The following PHIP variants were observed in gnomAD, a reference collection of about 807,000 sequenced individuals.
The protein encoded by PHIP is PHIP subunit of CUL4-Ring ligase complex.
A neutral mutation model predicts 236.8 loss-of-function variants in PHIP; 54 were observed. That is an observed-to-expected ratio of 0.23 (90% CI 0.18 to 0.29). PHIP has a LOEUF of 0.29. Ranked by LOEUF, PHIP falls within the 10% of genes least tolerant of loss-of-function variation. The pLI is 1.00. For missense variants in PHIP, 1,370 were observed against 2,190.8 expected, an observed-to-expected ratio of 0.63 and a Z score of 7.48; for synonymous variants, 756 against 718.9, an observed-to-expected ratio of 1.05 and a Z score of -0.83.
At chr6:78,998,474 G>A in intron 17 of PHIP, 83 bp from the exon 18 acceptor site, 1 of 1,021,052 alleles carries the variant, frequency 9.8e-7, no homozygotes. Flanking sequence ...TATGAGTTCA[G>A]AATTAAACAT....
At chr6:79,067,366 G>C (rs1332142532) in intron 4 of PHIP, among the ~76,000 whole-genome samples, 1 of 152,128 alleles carries the variant, frequency 6.6e-6, no homozygotes, top group Non-Finnish European at 1.5e-5. Flanking sequence ...CAGTTGAGTT[G>C]CTTGCTATGG....
intron 33 of PHIP, 127 bp downstream of exon 33, chr6:78,955,481 GTTTTT>G: frequency 2.2e-6 from 1 of 453,592 alleles, no homozygotes; most frequent in Non-Finnish European, 3.9e-6. Context: ...ACTGCCAGTT[GTTTTT>G]TTTTTTTAAA....
chr6:78,944,519 T>C (rs1773696226), intron 39 of PHIP, among the ~76,000 whole-genome samples: 1 of 151,530 alleles, frequency 6.6e-6, no homozygotes, highest in South Asian at 2.1e-4. Flanking sequence ...GAGGAGAGAA[T>C]AGATTTAAGA....
At chr6:79,054,862 T>C (rs1191932670) in intron 6 of PHIP, among the ~76,000 whole-genome samples, 2 of 151,996 alleles carry the variant, frequency 1.3e-5, no homozygotes, top group African/African-American at 4.8e-5. Flanking sequence ...TGCATCTAGC[T>C]TTAAGTGACT....
chr6:79,059,838 C>T (rs977672305), intron 6 of PHIP, among the ~76,000 whole-genome samples: 2 of 151,524 alleles, frequency 1.3e-5, no homozygotes, highest in Admixed American at 1.3e-4. Context: ...ATTAAAATAT[C>T]TTAACCTCTT....
At chr6:78,963,973 C>T (rs185935809) in intron 29 of PHIP, among the ~76,000 whole-genome samples, 14 of 152,178 alleles carry the variant, frequency 9.2e-5, no homozygotes, top group Admixed American at 7.9e-4. Flanking sequence ...CAGTAACCAC[C>T]CTTCAATATA....
chr6:79,063,503 G>A (rs1202415498), intron 4 of PHIP, among the ~76,000 whole-genome samples: 7 of 151,954 alleles, frequency 4.6e-5, no homozygotes, highest in African/African-American at 1.7e-4. Context: ...TGCAACCTCC[G>A]CCTCCCAGGT....
chr6:79,004,636 G>A (rs1383955751), intron 15 of PHIP, among the ~76,000 whole-genome samples: 2 of 152,044 alleles, frequency 1.3e-5, no homozygotes, highest in Non-Finnish European at 2.9e-5. Context: ...TAACAACTAA[G>A]GATGATTTTC....
chr6:78,984,389 T>C (rs900351306), intron 22 of PHIP, among the ~76,000 whole-genome samples: 4 of 149,756 alleles, frequency 2.7e-5, no homozygotes, highest in Non-Finnish European at 4.5e-5. Flanking sequence ...AAATGGTACC[T>C]GCCAAATCAC....
chr6:78,982,812 C>G (rs1582164364), intron 23 of PHIP, 74 bp downstream of exon 23: 1 of 838,188 alleles, frequency 1.2e-6, no homozygotes, highest in South Asian at 1.9e-5. Context: ...TGTTTGTGAT[C>G]AATTGTACTT....
At chr6:78,991,063 A>T in intron 19 of PHIP, 78 bp from the exon 20 acceptor site, 1 of 791,102 alleles carries the variant, frequency 1.3e-6, no homozygotes. Flanking sequence ...AGGTATCAGG[A>T]AAGGAACGCT....
chr6:79,006,908 C>T (rs1296105432), intron 15 of PHIP, among the ~76,000 whole-genome samples: 1 of 151,816 alleles, frequency 6.6e-6, no homozygotes, highest in Non-Finnish European at 1.5e-5. Flanking sequence ...TTACCAGTAA[C>T]TGTGAAAACT....
chr6:79,023,441 T>G (rs1204926603), intron 9 of PHIP, among the ~76,000 whole-genome samples: 1 of 152,048 alleles, frequency 6.6e-6, no homozygotes, highest in Non-Finnish European at 1.5e-5. Context: ...TTTAAAAATT[T>G]TAAGGGACAA....
intron 9 of PHIP, among the ~76,000 whole-genome samples, chr6:79,024,451 T>G (rs1035171216): frequency 1.3e-5 from 2 of 152,142 alleles, no homozygotes; most frequent in Non-Finnish European, 2.9e-5. Flanking sequence ...ACTTTCTTGT[T>G]CAAAGACTAT....
At chr6:78,959,326 G>C (rs1766617331) in intron 31 of PHIP, among the ~76,000 whole-genome samples, 1 of 152,038 alleles carries the variant, frequency 6.6e-6, no homozygotes, top group Non-Finnish European at 1.5e-5. Context: ...GAATAACACT[G>C]TATCTAATTG....
At chr6:78,970,938 C>G in intron 24 of PHIP, 50 bp from the exon 25 acceptor site, 1 of 1,226,618 alleles carries the variant, frequency 8.2e-7, no homozygotes, top group Non-Finnish European at 1.2e-6. Flanking sequence ...TCCTTTAATC[C>G]AATATACAGG....
intron 38 of PHIP, 181 bp downstream of exon 38, chr6:78,945,820 C>G (rs1773781524): frequency 3.2e-6 from 2 of 616,622 alleles, no homozygotes; most frequent in Non-Finnish European, 5.7e-6. Flanking sequence ...CTATAATGAC[C>G]TAAACCTCAA....
intron 4 of PHIP, among the ~76,000 whole-genome samples, chr6:79,068,671 C>T (rs910371618): frequency 3.3e-5 from 5 of 152,090 alleles, no homozygotes; most frequent in African/African-American, 1.2e-4. Flanking sequence ...AGTACTGTAC[C>T]TAACAGTTGG....
In PHIP at chr6:78,935,484, A is replaced by G. The variant is rs1773242532; in HGVS notation, c.*5209T>C. ...AGAAATTGCACATTTTTGAGAAAAT[A>G]TTTATGCAAAGTGTTCCACTGAAAT... On this transcript the variant is annotated 3_prime_UTR_variant, in exon 40 of 40. Transcript: ENST00000275034. 1.0e-6 allele frequency: 1 copy of G among 977,822 alleles called. No individual in the cohort carries two copies. Among genetic ancestry groups the G allele is most frequent in the African/African-American group, 1.8e-5 (1 of 57,058 alleles). 60.6% of individuals were successfully genotyped at this position (977,822 alleles called of 1,614,324 possible). A position where few individuals can be genotyped will look rare whatever the true frequency, so the allele number is the denominator to read the frequency against.
Sources: allele counts gnomAD v4.1 joint callset (sites outside exome capture counted in the v4.1 genomes callset), GRCh38; gene constraint gnomAD v4.1.1; transcripts MANE v1.5; gene names NCBI Gene and HGNC (gene_info 2026-07-23, HGNC 2026-07-21).